Variants in PM20D1 observed in about 807,000 individuals in gnomAD.
PM20D1 encodes peptidase M20 domain containing 1.
Under a neutral mutation model 53.8 loss-of-function variants are expected in PM20D1, and 53 were observed. The observed-to-expected ratio is 0.98, with a 90% CI of 0.79 to 1.24. The LOEUF (loss-of-function observed/expected upper bound fraction) is 1.24. PM20D1 is among the 50% of genes most tolerant of loss of function. The pLI, the probability that PM20D1 is intolerant of heterozygous loss-of-function variation, is 0.00. For missense variants in PM20D1, 564 were observed against 616.8 expected (o/e 0.91, Z 0.91); for synonymous variants, 239 against 241.3 (o/e 0.99, Z 0.09).
In PM20D1 at chr1:205,844,136, C is replaced by A. The variant is rs201127696; in HGVS notation, c.658G>T (p.Gly220Cys). The A allele has an allele frequency of 6.2e-7, 1 of 1,613,870 alleles. No individual in the cohort carries two copies. The highest frequency in any genetic ancestry group is 8.5e-7 in the Non-Finnish European group (1 of 1,179,948). The change falls in exon 5 of 13, where the codon GGC (glycine) becomes TGC (cysteine). Residue 220 changes from glycine (G) to cysteine (C), a missense_variant. Physicochemically the swap from Gly to Cys is radical, Grantham distance 159. Transcript: ENST00000367136. Reference sequence around the variant, plus strand: ...GGAATGAAATCATCCAAGATGAAGCCCCCCTCGTCCACAATGAAGGCTAGC... The same window carrying A: ...GGAATGAAATCATCCAAGATGAAGCACCCCTCGTCCACAATGAAGGCTAGC... ...VQLAFIVDEGGFILDDFIPNF... is the reference protein window; with the variant it reads ...VQLAFIVDEGCFILDDFIPNF...
Position 205,845,542 on chromosome 1 carries a change from ACC to A in PM20D1, c.270_271del (p.Val91GlnfsTer8). ...TTCATGCTGGATAAAGCTGGTGCTG[ACC>A]ACTGTAGGAAAGACTAGAAGCAAAA... On this transcript the variant is annotated frameshift_variant, in exon 3 of 13. Transcript: ENST00000367136. LOFTEE classifies it high-confidence loss of function. 1.2e-6 allele frequency: 2 copies of A among 1,614,148 alleles called. No individual in the cohort carries two copies. Among genetic ancestry groups the A allele is most frequent in the South Asian group, 2.2e-5 (2 of 91,092 alleles).
chr1:205,833,106 T>C (rs1656599287), intron 10 of PM20D1, among the ~76,000 whole-genome samples: 1 of 152,254 alleles, frequency 6.6e-6, no homozygotes. Flanking sequence ...GAAAATTGAC[T>C]ACTGGGTCAC....
intron 1 of PM20D1, among the ~76,000 whole-genome samples, chr1:205,849,653 A>T (rs2102533763): frequency 6.6e-6 from 1 of 152,222 alleles, no homozygotes; most frequent in African/African-American, 2.4e-5. Context: ...TCACGCCAAG[A>T]GGGGTGAAGT....
intron 7 of PM20D1, 105 bp downstream of exon 7, chr1:205,842,571 C>T (rs1656837324): frequency 8.9e-7 from 1 of 1,121,416 alleles, no homozygotes; most frequent in East Asian, 2.4e-5. Context: ...TGAGAATAGG[C>T]AGAGTGCTGG....
At chr1:205,844,020 C>G in intron 5 of PM20D1, 67 bp downstream of exon 5, 3 of 1,547,182 alleles carry the variant, frequency 1.9e-6, no homozygotes, top group Non-Finnish European at 2.6e-6. Flanking sequence ...TCACAGATAC[C>G]AGGCTGGGGT....
intron 10 of PM20D1, 87 bp downstream of exon 10, chr1:205,840,165 G>T: frequency 8.1e-7 from 1 of 1,227,498 alleles, no homozygotes; most frequent in Non-Finnish European, 1.2e-6. Context: ...CACTGGACCA[G>T]CCCTAGGACT....
intron 1 of PM20D1, 113 bp downstream of exon 1, chr1:205,849,791 G>T: frequency 7.3e-7 from 1 of 1,374,204 alleles, no homozygotes; most frequent in South Asian, 1.4e-5. Context: ...TGCGTGTCGG[G>T]GCTCCAGCTG....
rs1332422510 is a variant in PM20D1 at position 205,828,238 on chromosome 1, G to T, written c.*382C>A. ...AGTAAGAAGAAATATATAAGCTCTG[G>T]AGAAAGCATCCCAGCAAGAGTGCCC... On this transcript the variant is annotated 3_prime_UTR_variant, in exon 13 of 13. Coordinates refer to ENST00000367136, the MANE Select transcript of PM20D1 (RefSeq NM_152491.5). 5.8e-6 allele frequency: 1 copy of T among 172,340 alleles called. No individual in the cohort carries two copies. The highest frequency in any genetic ancestry group is 2.4e-5 in the African/African-American group (1 of 41,874). The allele number at this position is 172,340 out of a possible 1,614,324, so 10.7% of individuals were successfully genotyped here. A position where few individuals can be genotyped will look rare whatever the true frequency, so the allele number is the denominator to read the frequency against.
intron 9 of PM20D1, among the ~76,000 whole-genome samples, chr1:205,841,057 T>C (rs1008886158): frequency 6.6e-6 from 1 of 152,156 alleles, no homozygotes; most frequent in African/African-American, 2.4e-5. Flanking sequence ...GAGCAATTGT[T>C]CTAACCAATC....
At position 205,849,955 on chromosome 1, in the gene PM20D1, G is replaced by A. The variant is rs895836855; in HGVS notation, c.118C>T (p.Pro40Ser). The A allele has an allele frequency of 1.9e-6, 3 of 1,614,094 alleles. No individual in the cohort carries two copies. The highest frequency in any genetic ancestry group is 2.5e-6 in the Non-Finnish European group (3 of 1,179,998). ...CGTTCCTCTTTGCTGAACTGAGAAGGGATTCGCGACGCCCTTTGATGCTCC... is the reference window on the plus strand; with the variant it reads ...CGTTCCTCTTTGCTGAACTGAGAAGAGATTCGCGACGCCCTTTGATGCTCC... ...SGEHQRASRI[P>S]SQFSKEERVA... Residue 40 changes from proline to serine, a missense_variant, in exon 1 of 13, where the codon CCT becomes TCT. By Grantham distance (74) the Pro-to-Ser change is moderately conservative (BLOSUM62 -1). Transcript: ENST00000367136.
At chr1:205,839,050 G>C (rs1446816484) in intron 10 of PM20D1, among the ~76,000 whole-genome samples, 1 of 152,152 alleles carries the variant, frequency 6.6e-6, no homozygotes, top group African/African-American at 2.4e-5. Flanking sequence ...AAGCAAATCT[G>C]AGTATTTGGT....
In PM20D1 at chr1:205,828,123, T is replaced by A. The variant is rs1656481956; in HGVS notation, c.*497A>T. On this transcript the variant is annotated 3_prime_UTR_variant, in exon 13 of 13. Coordinates refer to ENST00000367136, the MANE Select transcript of PM20D1 (RefSeq NM_152491.5). ...TCCAGAAGTAGAATAAATTGAAGAG[T>A]AAGGGGAGAGATGCAGGAGAGAGAG... 1 of 153,318 alleles carries A rather than the reference T, an allele frequency of 6.5e-6. No homozygotes were observed. Among genetic ancestry groups the A allele is most frequent in the African/African-American group, 2.4e-5 (1 of 41,114 alleles). 9.5% of individuals were successfully genotyped at this position (153,318 alleles called of 1,614,324 possible).
chr1:205,846,692 A>C (rs55811988), intron 2 of PM20D1, among the ~76,000 whole-genome samples: 2,581 of 152,292 alleles, frequency 0.017, 27 homozygotes, highest in Middle Eastern at 0.027. Flanking sequence ...ACAAGGTCGT[A>C]CTTCTGCGTG....
At chr1:205,844,962 A>G (rs1282172446) in intron 3 of PM20D1, 65 bp from the exon 4 acceptor site, 9 of 1,388,138 alleles carry the variant, frequency 6.5e-6, no homozygotes, top group African/African-American at 1.4e-5. Flanking sequence ...CCAGGGTATC[A>G]GAGACATTCA....
chr1:205,842,259 AG>A, intron 7 of PM20D1, 44 bp from the exon 8 acceptor site: 1 of 1,553,368 alleles, frequency 6.4e-7, no homozygotes, highest in Non-Finnish European at 8.9e-7. Flanking sequence ...CCTCTAGTTT[AG>A]CCTGGGTCTC....
chr1:205,840,187 C>T (rs550125794), intron 10 of PM20D1, 65 bp downstream of exon 10: 115 of 1,470,490 alleles, frequency 7.8e-5, no homozygotes, highest in South Asian at 1.8e-4. Context: ...TAGTTAAACC[C>T]GGGCCCTGAG....
Position 205,849,969 on chromosome 1 carries a change from C to T in PM20D1, c.104G>A (p.Arg35Lys). Reference sequence around the variant, plus strand: ...GAACTGAGAAGGGATTCGCGACGCCCTTTGATGCTCCCCGCTCCTCGGGCC... The same window carrying T: ...GAACTGAGAAGGGATTCGCGACGCCTTTTGATGCTCCCCGCTCCTCGGGCC... ...SMGPRSGEHQ[R>K]ASRIPSQFSK... The change falls in exon 1 of 13, where the codon AGG (arginine) becomes AAG (lysine). Residue 35 changes from arginine (R) to lysine (K), a missense_variant. By Grantham distance (26) the Arg-to-Lys change is conservative (BLOSUM62 2). Transcript: ENST00000367136. 1.9e-6 allele frequency: 3 copies of T among 1,614,132 alleles called. No homozygotes were observed. Among genetic ancestry groups the T allele is most frequent in the Non-Finnish European group, 2.5e-6 (3 of 1,180,020 alleles).
chr1:205,850,062 C>CGCTGAGAA lies in PM20D1; in HGVS notation c.10_11insTTCTCAGC (p.Arg4LeufsTer17), dbSNP rs1558096750. On this transcript the variant is annotated frameshift_variant, in exon 1 of 13. Coordinates refer to ENST00000367136, the MANE Select transcript of PM20D1 (RefSeq NM_152491.5). LOFTEE classifies it high-confidence loss of function. Reference sequence around the variant, plus strand: ...CACCAGGGCCAGCACGCAAACGCACCGCTGAGCCATGCTTCTCTCGAGCTC... The same window carrying CGCTGAGAA: ...CACCAGGGCCAGCACGCAAACGCACCGCTGAGAAGCTGAGCCATGCTTCTCTCGAGCTC... 1 of 1,613,266 alleles carries CGCTGAGAA rather than the reference C, an allele frequency of 6.2e-7. No individual in the cohort carries two copies. The highest frequency in any genetic ancestry group is 1.1e-5 in the South Asian group (1 of 91,034).
intron 10 of PM20D1, among the ~76,000 whole-genome samples, chr1:205,839,910 C>CAAAA (rs567749262): frequency 1.2e-3 from 67 of 58,068 alleles, no homozygotes; most frequent in East Asian, 5.3e-3. Flanking sequence ...GACTCTGACT[C>CAAAA]AAAAAAAAAA....
Sources: gnomAD v4.1 joint callset for allele counts (sites outside exome capture counted in the v4.1 genomes callset) on GRCh38, gnomAD v4.1.1 for gene constraint, MANE v1.5 for transcripts, NCBI Gene and HGNC (gene_info 2026-07-23, HGNC 2026-07-21) for gene names.